Variants in PCDHA10 observed in about 807,000 individuals in gnomAD.
PCDHA10 encodes protocadherin alpha-10.
In PCDHA10, 45 loss-of-function variants were observed where a neutral mutation model predicts 61.2. The ratio of observed to expected loss-of-function variants is 0.74; its 90% CI spans 0.58 to 0.94. PCDHA10 has a LOEUF of 0.94. Ranked by LOEUF, PCDHA10 falls within the 40% of genes least tolerant of loss-of-function variation. The pLI is 0.00. For missense variants in PCDHA10, 1,278 were observed against 1,236.2 expected (o/e 1.03, Z -0.51); for synonymous variants, 602 against 548.8 (o/e 1.10, Z -1.35).
At chr5:140,875,684 A>T (rs1236163720) in intron 1 of PCDHA10, 1 of 1,613,854 alleles carries the variant, frequency 6.2e-7, no homozygotes, top group Non-Finnish European at 8.5e-7. Flanking sequence ...TCCAAAAGAC[A>T]CGGGGACCTT....
chr5:140,928,036 G>T, intron 1 of PCDHA10: 1 of 1,614,158 alleles, frequency 6.2e-7, no homozygotes, highest in Non-Finnish European at 8.5e-7. Context: ...CATGTCTAGT[G>T]CAGGCCCTTT....
rs1259591783 is a variant in PCDHA10, at chr5:141,009,842, G to C, written c.2752G>C (p.Glu918Gln). 1.2e-6 allele frequency: 2 copies of C among 1,613,960 alleles called. No individual in the cohort carries two copies. The highest frequency in any genetic ancestry group is 1.7e-6 in the Non-Finnish European group (2 of 1,180,014). ...TGACTTCATAACCTTCGGCAAAAAG[G>C]AGGAGACCAAGAAAAAGAAGAAAAA... ...KSDFITFGKKEETKKKKKKKK... is the reference protein window; with the variant it reads ...KSDFITFGKKQETKKKKKKKK... The change falls in exon 4 of 4, where the codon GAG becomes CAG. Residue 918 changes from glutamate (E) to glutamine (Q), a missense_variant. Coordinates refer to ENST00000307360, the MANE Select transcript of PCDHA10 (RefSeq NM_018901.4).
At position 140,987,445 on chromosome 5, in the gene PCDHA10, G is replaced by A. The variant is rs141923390; in HGVS notation, c.2536+4882G>A. Among the ~76,000 whole-genome samples, 799 of 152,220 alleles carry A rather than the reference G, an allele frequency of 5.2e-3. 4 individuals carry two copies. The highest frequency in any genetic ancestry group is 0.018 in the African/African-American group (765 of 41,528). On this transcript the variant is annotated intron_variant, in intron 3 of 3. Transcript: ENST00000307360. ...AAGCAGGGGGCCTTTCCCCATGCCC[G>A]AGAGATAATTGTTAAGAGCTCAAGC...
intron 1 of PCDHA10, among the ~76,000 whole-genome samples, chr5:140,902,149 G>T (rs1471758440): frequency 6.8e-6 from 1 of 147,458 alleles, no homozygotes; most frequent in African/African-American, 2.5e-5. Flanking sequence ...AGGATAATTT[G>T]ATTTCTTCCT....
intron 1 of PCDHA10, chr5:140,871,489 G>T: frequency 1.3e-6 from 2 of 1,590,138 alleles, no homozygotes; most frequent in Non-Finnish European, 1.7e-6. Flanking sequence ...AAATCACCCC[G>T]GACAGGTGAG....
intron 1 of PCDHA10, among the ~76,000 whole-genome samples, chr5:140,944,212 G>A (rs2093625655): frequency 6.6e-6 from 1 of 152,158 alleles, no homozygotes; most frequent in Non-Finnish European, 1.5e-5. Flanking sequence ...TTTTTAAAGA[G>A]GGTTTTACTC....
At position 140,998,569 on chromosome 5, in the gene PCDHA10, G is replaced by GTTT. The variant is rs71574497; in HGVS notation, c.2537-11048_2537-11046dup. ...TTAATGTCTAATTTATTGTAAATAA[G>GTTT]TTTTTTTTTTTTGAGACAGAGTTTT... On this transcript the variant is annotated intron_variant, in intron 3 of 3. Transcript: ENST00000307360. Among the ~76,000 whole-genome samples, 105 of 149,398 alleles carry GTTT rather than the reference G, an allele frequency of 7.0e-4. 1 individual carries two copies. Among genetic ancestry groups the GTTT allele is most frequent in the Middle Eastern group, 3.4e-3 (1 of 292 alleles).
At chr5:140,862,290 A>G (rs1423685229) in intron 1 of PCDHA10, 3 of 265,086 alleles carry the variant, frequency 1.1e-5, no homozygotes, top group Admixed American at 4.8e-5. Flanking sequence ...GTACAGGAGG[A>G]CGCTCCACTG....
chr5:140,967,833 T>C, intron 1 of PCDHA10: 1 of 1,614,132 alleles, frequency 6.2e-7, no homozygotes, highest in Non-Finnish European at 8.5e-7. Context: ...GTGGACATCG[T>C]GGACGTGAAT....
intron 2 of PCDHA10, among the ~76,000 whole-genome samples, chr5:140,979,710 A>C (rs1178718053): frequency 1.3e-5 from 2 of 152,268 alleles, no homozygotes; most frequent in African/African-American, 4.8e-5. Flanking sequence ...GAGGTGATCC[A>C]GTATCCATGC....
At chr5:140,938,209 G>C (rs1210350140) in intron 1 of PCDHA10, among the ~76,000 whole-genome samples, 1 of 152,160 alleles carries the variant, frequency 6.6e-6, no homozygotes, top group Admixed American at 6.5e-5. Flanking sequence ...GCCTCCCAAA[G>C]TGCTGGGATT....
chr5:140,868,477 A>T (rs1165630673), intron 1 of PCDHA10: 1 of 152,380 alleles, frequency 6.6e-6, no homozygotes, highest in Non-Finnish European at 1.5e-5. Flanking sequence ...ATAAAACTTC[A>T]ATTTTTTCTT....
chr5:140,979,604 A>T (rs1326370777), intron 2 of PCDHA10, among the ~76,000 whole-genome samples: 1 of 152,204 alleles, frequency 6.6e-6, no homozygotes, highest in African/African-American at 2.4e-5. Context: ...AAATTAACCT[A>T]GAGTAACGGT....
intron 3 of PCDHA10, among the ~76,000 whole-genome samples, chr5:140,998,708 GC>G (rs1350967952): frequency 1.3e-5 from 2 of 152,024 alleles, no homozygotes; most frequent in Admixed American, 6.6e-5. Context: ...GGGATTACAA[GC>G]TTGCACCACC....
chr5:140,884,410 G>T, intron 1 of PCDHA10: 1 of 1,614,008 alleles, frequency 6.2e-7, no homozygotes, highest in South Asian at 1.1e-5. Context: ...TGGTGCTCAC[G>T]TTGCTGCTGT....
At chr5:140,985,884 C>T (rs1263620553) in intron 3 of PCDHA10, among the ~76,000 whole-genome samples, 4 of 151,722 alleles carry the variant, frequency 2.6e-5, no homozygotes, top group East Asian at 3.9e-4. Context: ...GGACTACAGG[C>T]GCCCGCCACC....
chr5:140,969,372 T>G, intron 1 of PCDHA10: 1 of 1,606,704 alleles, frequency 6.2e-7, no homozygotes, highest in Non-Finnish European at 8.5e-7. Context: ...ACTCATGCAT[T>G]TGTTACACAT....
At chr5:141,005,650 C>T (rs1262025643) in intron 3 of PCDHA10, among the ~76,000 whole-genome samples, 4 of 126,784 alleles carry the variant, frequency 3.2e-5, no homozygotes, top group African/African-American at 9.3e-5. Context: ...TGCAGTGAGT[C>T]GAGATCGCGC....
intron 2 of PCDHA10, 123 bp from the exon 3 acceptor site, chr5:140,982,352 G>A (rs1554244046): frequency 4.0e-6 from 6 of 1,507,640 alleles, no homozygotes; most frequent in Non-Finnish European, 5.3e-6. Context: ...TTCAGTTCAA[G>A]CATGAGCAGA....
Sources: gnomAD v4.1 joint callset for allele counts (sites outside exome capture counted in the v4.1 genomes callset) on GRCh38, gnomAD v4.1.1 for gene constraint, MANE v1.5 for transcripts, NCBI Gene and HGNC (gene_info 2026-07-23, HGNC 2026-07-21) for gene names.